The following ITPR1 variants were observed in gnomAD, a reference collection of about 807,000 sequenced individuals.
ITPR1 encodes the protein inositol 1,4,5-trisphosphate-gated calcium channel ITPR1.
In ITPR1, 96 loss-of-function variants were observed where a neutral mutation model predicts 318.4. That is an observed-to-expected ratio of 0.30 (90% CI 0.26 to 0.36). ITPR1 has a LOEUF of 0.36. Among genes scored for constraint, ITPR1 ranks in the 10% least tolerant of loss-of-function variants. The pLI, the probability that ITPR1 is intolerant of heterozygous loss-of-function variation, is 1.00. For synonymous variants in ITPR1, 1,312 were observed against 1,289.9 expected (o/e 1.02, Z -0.37); for missense variants, 2,440 against 3,460.2 (o/e 0.71, Z 7.40).
intron 4 of ITPR1, among the ~76,000 whole-genome samples, chr3:4,524,197 G>T (rs1466537708): frequency 6.6e-6 from 1 of 151,868 alleles, no homozygotes; most frequent in Non-Finnish European, 1.5e-5. Context: ...TTTGCAGGCT[G>T]CCTCAGTGCT....
intron 12 of ITPR1, among the ~76,000 whole-genome samples, chr3:4,654,340 C>T (rs148058767): frequency 4.1e-4 from 62 of 152,236 alleles, no homozygotes; most frequent in African/African-American, 1.2e-3. Context: ...GTGCACCTGG[C>T]GTGTGATTAG....
intron 23 of ITPR1, 103 bp downstream of exon 23, chr3:4,675,351 A>T: frequency 1.3e-6 from 1 of 790,368 alleles, no homozygotes; most frequent in Non-Finnish European, 2.0e-6. Context: ...TTCTTTGTTC[A>T]TTCCTTCCCA....
intron 4 of ITPR1, among the ~76,000 whole-genome samples, chr3:4,623,968 C>T (rs1424002012): frequency 6.6e-6 from 1 of 152,184 alleles, no homozygotes; most frequent in Non-Finnish European, 1.5e-5. Flanking sequence ...ACCCTCTCAC[C>T]TTAGGGGAAT....
rs891917575 is a variant in ITPR1, at chr3:4,846,216, A to G, written c.8268A>G (p.Gln2756=). 1.9e-6 allele frequency: 3 copies of G among 1,556,244 alleles called. No individual in the cohort carries two copies. Among genetic ancestry groups the G allele is most frequent in the Non-Finnish European group, 2.6e-6 (3 of 1,146,744 alleles). ...CTCACATGAATGTCAACCCACAACA[A>G]CCAGCATAAGCAAATGAAAGAAAGG... ...HPPHMNVNPQ[Q]PA is the part of the protein sequence containing the mutation. The change falls in exon 62 of 62, where the codon CAA becomes CAG. Residue 2756 remains glutamine, a synonymous_variant. Coordinates refer to ENST00000649015, the MANE Select transcript of ITPR1 (RefSeq NM_001378452.1).
chr3:4,719,177 G>A (rs2041973267), intron 40 of ITPR1, among the ~76,000 whole-genome samples: 1 of 152,180 alleles, frequency 6.6e-6, no homozygotes, highest in Non-Finnish European at 1.5e-5. Flanking sequence ...CTAGGAAATA[G>A]AATACTGTCT....
intron 44 of ITPR1, among the ~76,000 whole-genome samples, chr3:4,736,504 C>T (rs1053067153): frequency 6.6e-5 from 10 of 152,224 alleles, no homozygotes; most frequent in African/African-American, 1.7e-4. Flanking sequence ...CCTTTTCTTT[C>T]GCCTTCCAAT....
chr3:4,764,946 CTGGATGGATGGATGGATGGATGGATGGA>C (rs61395050), intron 44 of ITPR1, among the ~76,000 whole-genome samples: 1 of 147,574 alleles, frequency 6.8e-6, no homozygotes, highest in Admixed American at 6.8e-5. Flanking sequence ...TAGTGGGTGG[CTGGATGGATGGATGGATGGATGGATGGA>C]TGGATGGATG....
At chr3:4,813,097 T>C (rs1041000545) in intron 56 of ITPR1, 45 bp from the exon 57 acceptor site, 4 of 1,441,832 alleles carry the variant, frequency 2.8e-6, no homozygotes, top group African/African-American at 2.8e-5. Context: ...ATTTTAACCA[T>C]ATGCTGCCAG....
chr3:4,758,683 G>T (rs1325545136), intron 44 of ITPR1, among the ~76,000 whole-genome samples: 1 of 152,142 alleles, frequency 6.6e-6, no homozygotes, highest in African/African-American at 2.4e-5. Flanking sequence ...CCTAAAGAAA[G>T]GAGTGTCCCC....
intron 54 of ITPR1, among the ~76,000 whole-genome samples, chr3:4,802,680 T>C (rs1019680197): frequency 2.6e-5 from 4 of 152,004 alleles, no homozygotes; most frequent in Non-Finnish European, 5.9e-5. Context: ...AATACAAAAA[T>C]TAGCCTGGCA....
chr3:4,720,619 T>C (rs534257027), intron 40 of ITPR1, among the ~76,000 whole-genome samples: 7 of 152,190 alleles, frequency 4.6e-5, no homozygotes, highest in Non-Finnish European at 8.8e-5. Context: ...CTTGGAACTG[T>C]GGAATCTCTG....
intron 4 of ITPR1, among the ~76,000 whole-genome samples, chr3:4,524,829 G>A (rs1301483593): frequency 6.6e-6 from 1 of 152,168 alleles, no homozygotes; most frequent in East Asian, 1.9e-4. Context: ...ATTCTTTGCT[G>A]TGTGACCCTG....
intron 33 of ITPR1, among the ~76,000 whole-genome samples, chr3:4,695,469 C>G (rs527970639): frequency 6.6e-6 from 1 of 152,042 alleles, no homozygotes; most frequent in Non-Finnish European, 1.5e-5. Context: ...AACGATAGAA[C>G]GATTATAAAG....
rs138006004 is a variant in ITPR1 at position 4,814,073 on chromosome 3, A to C, written c.7562-350A>C. ...TCCTGTGGCATAACCCTCATCTGAGAGACAAGAGGCCTGTGACTCAGAGTT... is the reference window on the plus strand; with the variant it reads ...TCCTGTGGCATAACCCTCATCTGAGCGACAAGAGGCCTGTGACTCAGAGTT... On this transcript the variant is annotated intron_variant, in intron 57 of 61. Transcript: ENST00000649015. Among the ~76,000 whole-genome samples, 1,411 of 152,294 alleles carry C rather than the reference A, an allele frequency of 9.3e-3. 7 individuals are homozygous for C. Among genetic ancestry groups the C allele is most frequent in the Middle Eastern group, 0.044 (13 of 294 alleles).
In ITPR1 at chr3:4,564,917, A is replaced by T. The variant is rs571132261; in HGVS notation, c.163+43823A>T. Among the ~76,000 whole-genome samples the T allele has an allele frequency of 2.6e-5, 4 of 152,328 alleles. No individual in the cohort carries two copies. The South Asian group carries it at 8.3e-4, about 32-fold the overall frequency. On this transcript the variant is annotated intron_variant, in intron 4 of 61. Transcript: ENST00000649015. ...TAACACTCAGCATAGGAATTTTACA[A>T]TGGGGACGCAGTTCAGTTCATAAAA...
chr3:4,762,565 G>A (rs748277025), intron 44 of ITPR1, among the ~76,000 whole-genome samples: 4 of 152,200 alleles, frequency 2.6e-5, no homozygotes, highest in Non-Finnish European at 5.9e-5. Flanking sequence ...CTAATGTAAT[G>A]GTAGTAGAAA....
intron 2 of ITPR1, among the ~76,000 whole-genome samples, chr3:4,497,655 C>G (rs2080698939): frequency 1.3e-5 from 2 of 152,040 alleles, no homozygotes; most frequent in Non-Finnish European, 2.9e-5. Context: ...ATGGCAGTTA[C>G]TAAAAAAAAT....
intron 42 of ITPR1, among the ~76,000 whole-genome samples, chr3:4,732,291 T>A (rs969015504): frequency 6.6e-6 from 1 of 152,186 alleles, no homozygotes; most frequent in Non-Finnish European, 1.5e-5. Flanking sequence ...TTTTAAAAAA[T>A]TTTATTACAG....
At chr3:4,774,830 C>T (rs2046390404) in intron 46 of ITPR1, among the ~76,000 whole-genome samples, 1 of 152,206 alleles carries the variant, frequency 6.6e-6, no homozygotes, top group South Asian at 2.1e-4. Context: ...GGGCTCCGGG[C>T]ATTCAGCACT....
Sources: allele counts gnomAD v4.1 joint callset (sites outside exome capture counted in the v4.1 genomes callset), GRCh38; gene constraint gnomAD v4.1.1; transcripts MANE v1.5; gene names NCBI Gene and HGNC (gene_info 2026-07-23, HGNC 2026-07-21).